The following COL5A1 variants were observed in gnomAD, a reference collection of about 807,000 sequenced individuals.
COL5A1 encodes the protein collagen alpha-1(V) chain.
In COL5A1, 16 loss-of-function variants were observed where a neutral mutation model predicts 263.7. That is an observed-to-expected ratio of 0.06 (90% CI 0.04 to 0.09). The LOEUF (loss-of-function observed/expected upper bound fraction) is 0.09. Ranked by LOEUF, COL5A1 falls within the 10% of genes least tolerant of loss-of-function variation. The probability of loss-of-function intolerance (pLI) is 1.00; values close to 1 mark genes in which losing one functional copy is unlikely to be tolerated. For synonymous variants in COL5A1, 1,012 were observed against 1,004.5 expected (o/e 1.01, Z -0.14); for missense variants, 2,036 against 2,540.5 (o/e 0.80, Z 4.27).
intron 4 of COL5A1, among the ~76,000 whole-genome samples, chr9:134,720,521 G>C (rs188496058): frequency 6.6e-6 from 1 of 152,218 alleles, no homozygotes; most frequent in Admixed American, 6.5e-5. Flanking sequence ...GACAGTGTGC[G>C]CCAGATTATG....
In COL5A1 at chr9:134,835,172, C is replaced by A; in HGVS notation, c.5338C>A (p.Pro1780Thr). 1.2e-6 allele frequency: 2 copies of A among 1,613,796 alleles called. No homozygotes were observed. The highest frequency in any genetic ancestry group is 1.7e-6 in the Non-Finnish European group (2 of 1,180,030). The stretch of plus-strand genomic sequence containing the variant: ...CGAGGAGATGTCCTATGACAACAAC[C>A]CCTACATCCGCGCCCTGGTGGACGG... ...NDEEMSYDNN[P>T]YIRALVDGCA... The change falls in exon 65 of 66, where the codon CCC becomes ACC. Residue 1780 changes from proline to threonine, a missense_variant. Pro to Thr is a conservative substitution (Grantham distance 38). Transcript: ENST00000371817.
chr9:134,768,172 T>A (rs556327162), intron 24 of COL5A1, among the ~76,000 whole-genome samples: 1 of 152,296 alleles, frequency 6.6e-6, no homozygotes, highest in South Asian at 2.1e-4. Context: ...ATGGGGGCAC[T>A]TGGTGGACTG....
chr9:134,668,886 C>A (rs1348718861), intron 1 of COL5A1, among the ~76,000 whole-genome samples: 1 of 151,504 alleles, frequency 6.6e-6, no homozygotes, highest in East Asian at 1.9e-4. Flanking sequence ...CATCCATCTA[C>A]CCATTCATCC....
chr9:134,812,794 G>C (rs986862764), intron 48 of COL5A1, 82 bp downstream of exon 48: 7 of 968,402 alleles, frequency 7.2e-6, no homozygotes, highest in East Asian at 5.2e-5. Flanking sequence ...GTGTCTGTGT[G>C]TATGTGTATG....
At chr9:134,811,203 C>G in intron 44 of COL5A1, 136 bp from the exon 45 acceptor site, 1 of 827,428 alleles carries the variant, frequency 1.2e-6, no homozygotes. Flanking sequence ...CATCGTGGTG[C>G]AAGGAACGAC....
Position 134,805,233 on chromosome 9 carries a change from C to G in COL5A1, c.3258+19C>G. 2 of 1,613,510 alleles carry G rather than the reference C, an allele frequency of 1.2e-6. No homozygotes were observed. The highest frequency in any genetic ancestry group is 8.5e-7 in the Non-Finnish European group (1 of 1,179,786). On this transcript the variant is annotated intron_variant, in intron 41 of 65. Coordinates refer to ENST00000371817, the MANE Select transcript of COL5A1 (RefSeq NM_000093.5). Reference sequence around the variant, plus strand: ...CCCTGCGGTGAGTCAAAGCCTTTGTCCCATCCTCTTTCTTGAATCCTACTC... The same window carrying G: ...CCCTGCGGTGAGTCAAAGCCTTTGTGCCATCCTCTTTCTTGAATCCTACTC...
intron 1 of COL5A1, among the ~76,000 whole-genome samples, chr9:134,667,209 A>G (rs1832386090): frequency 6.6e-6 from 1 of 152,188 alleles, no homozygotes; most frequent in East Asian, 1.9e-4. Context: ...TTTGATGTTC[A>G]CCCGTGGAAT....
At chr9:134,805,363 G>C in intron 41 of COL5A1, 149 bp downstream of exon 41, 1 of 914,904 alleles carries the variant, frequency 1.1e-6, no homozygotes, top group South Asian at 1.4e-5. Flanking sequence ...CCTTCAGGGA[G>C]ATGCGGACGG....
intron 20 of COL5A1, among the ~76,000 whole-genome samples, chr9:134,764,091 G>A (rs1165322909): frequency 6.9e-6 from 1 of 144,210 alleles, no homozygotes; most frequent in Non-Finnish European, 1.5e-5. Flanking sequence ...ATCGTGGTGG[G>A]GTCCGGGGTC....
intron 12 of COL5A1, 50 bp downstream of exon 12, chr9:134,750,666 A>G (rs1588502550): frequency 6.2e-7 from 1 of 1,603,442 alleles, no homozygotes; most frequent in Non-Finnish European, 8.5e-7. Flanking sequence ...GGCAGGTGGG[A>G]TCCAAACCAG....
intron 31 of COL5A1, among the ~76,000 whole-genome samples, chr9:134,786,946 T>C (rs2132778013): frequency 6.6e-6 from 1 of 152,346 alleles, no homozygotes; most frequent in Admixed American, 6.5e-5. Flanking sequence ...ATTAAGGAAA[T>C]GCTCCTGTCC....
rs558906147 is a variant in COL5A1 at position 134,824,780 on chromosome 9, C to T, written c.4879C>T (p.Arg1627Trp). Residue 1627 changes from arginine (R) to tryptophan (W), a missense_variant, in exon 62 of 66, where the codon CGG becomes TGG. This residue lies in a region of COL5A1 where 358 missense variants were observed against 384.6 expected (regional missense o/e 0.93). Coordinates refer to ENST00000371817, the MANE Select transcript of COL5A1 (RefSeq NM_000093.5). ...SLKLEIEQMK[R>W]PLGTQQNPAR... ...GAAGCTGGAGATTGAGCAGATGAAA[C>T]GGCCCCTGGGCACGCAGCAGAACCC... The T allele has an allele frequency of 3.9e-5, 63 of 1,614,154 alleles. No individual in the cohort carries two copies. In the Middle Eastern group the frequency reaches 4.9e-4, roughly 13 times the overall value.
chr9:134,833,824 G>C (rs1439841664), intron 64 of COL5A1, among the ~76,000 whole-genome samples: 1 of 152,230 alleles, frequency 6.6e-6, no homozygotes, highest in Non-Finnish European at 1.5e-5. Context: ...ACATAATCTT[G>C]TGAGCACCTT....
At chr9:134,665,946 G>A (rs917971779) in intron 1 of COL5A1, among the ~76,000 whole-genome samples, 18 of 152,150 alleles carry the variant, frequency 1.2e-4, no homozygotes, top group African/African-American at 3.9e-4. Context: ...AAACTAGCTG[G>A]TGTGGTGGCA....
intron 44 of COL5A1, 94 bp downstream of exon 44, chr9:134,810,402 C>A: frequency 8.0e-7 from 1 of 1,245,266 alleles, no homozygotes; most frequent in Non-Finnish European, 1.2e-6. Flanking sequence ...TCTCTTCCAA[C>A]GTTGCTGATG....
chr9:134,651,991 C>A (rs1392900594), intron 1 of COL5A1, among the ~76,000 whole-genome samples: 1 of 152,122 alleles, frequency 6.6e-6, no homozygotes, highest in Non-Finnish European at 1.5e-5. Context: ...CGTTCCCCTT[C>A]CTTCTTTCTA....
chr9:134,737,401 A>C (rs1835142184), intron 9 of COL5A1, among the ~76,000 whole-genome samples: 1 of 152,204 alleles, frequency 6.6e-6, no homozygotes, highest in South Asian at 2.1e-4. Context: ...TGAGGGGTGC[A>C]GGGCAGGGAA....
chr9:134,662,497 G>C (rs1265402645), intron 1 of COL5A1, among the ~76,000 whole-genome samples: 2 of 152,350 alleles, frequency 1.3e-5, no homozygotes, highest in African/African-American at 4.8e-5. Flanking sequence ...CACCCTTCCT[G>C]ACCCCTACGT....
chr9:134,842,379 G>T lies in COL5A1; in HGVS notation c.*76G>T. ...ATTCGTTCGTGAGTGTCCCGTGCAC[G>T]TCCTGACCCTGGACAGTGAAGGCTT... is the stretch of plus-strand genomic sequence containing the variant. On this transcript the variant is annotated 3_prime_UTR_variant, in exon 66 of 66. Coordinates refer to ENST00000371817, the MANE Select transcript of COL5A1 (RefSeq NM_000093.5). This position sits in a 1 kb window ranked among gnomAD's most constrained non-coding sequence, Gnocchi z 5.8. 10 of 1,561,156 alleles carry T rather than the reference G, an allele frequency of 6.4e-6. No individual in the cohort carries two copies. The South Asian group carries it at 1.1e-4, about 18-fold the overall frequency.
Sources: allele counts gnomAD v4.1 joint callset (sites outside exome capture counted in the v4.1 genomes callset), GRCh38; gene constraint gnomAD v4.1.1; regional missense constraint gnomAD v4.1.1; non-coding constraint Gnocchi (gnomAD v3.1); transcripts MANE v1.5; gene names NCBI Gene and HGNC (gene_info 2026-07-23, HGNC 2026-07-21).